Variants in PTPN18 observed in about 807,000 individuals in gnomAD.
The protein encoded by PTPN18 is protein tyrosine phosphatase non-receptor type 18.
A neutral mutation model predicts 65.4 loss-of-function variants in PTPN18; 65 were observed. The ratio of observed to expected loss-of-function variants is 0.99; its 90% CI spans 0.81 to 1.22. The LOEUF is 1.22. Ranked by LOEUF, PTPN18 falls within the 50% of genes most tolerant of loss-of-function variation. PTPN18 has a pLI of 0.00. For missense variants in PTPN18, 616 were observed against 646.5 expected (o/e 0.95, Z 0.51); for synonymous variants, 255 against 267.8 (o/e 0.95, Z 0.47).
At chr2:130,364,870 G>A (rs1256907172) in intron 5 of PTPN18, among the ~76,000 whole-genome samples, 2 of 152,178 alleles carry the variant, frequency 1.3e-5, no homozygotes, top group East Asian at 3.9e-4. Context: ...AGTTCCCTGG[G>A]TATACACCTA....
intron 5 of PTPN18, among the ~76,000 whole-genome samples, chr2:130,363,438 T>C (rs1680286357): frequency 6.6e-6 from 1 of 151,870 alleles, no homozygotes; most frequent in South Asian, 2.1e-4. Context: ...AGAGCAAGAC[T>C]GTCTCTCAAA....
chr2:130,356,285 T>G, intron 1 of PTPN18, 85 bp downstream of exon 1: 1 of 1,056,568 alleles, frequency 9.5e-7, no homozygotes, highest in African/African-American at 1.7e-5. Flanking sequence ...GGGCTCTGCC[T>G]TTCTGTCTCG....
At chr2:130,372,132 T>C in intron 12 of PTPN18, 125 bp from the exon 13 acceptor site, 2 of 912,934 alleles carry the variant, frequency 2.2e-6, no homozygotes, top group South Asian at 1.6e-5. Flanking sequence ...CAAGGAGCCC[T>C]CCCTCCCATC....
intron 5 of PTPN18, among the ~76,000 whole-genome samples, chr2:130,364,593 G>A (rs751724115): frequency 3.4e-4 from 52 of 152,150 alleles, no homozygotes; most frequent in Non-Finnish European, 4.9e-4. Flanking sequence ...TCAGGAGATC[G>A]AGACCAGCCT....
chr2:130,370,123 C>G lies in PTPN18; in HGVS notation c.622C>G (p.Leu208Val). The change falls in exon 8 of 15, where the codon CTC becomes GTC. Residue 208 changes from leucine to valine, a missense_variant. Physicochemically the swap from Leu to Val is conservative, Grantham distance 32. Transcript: ENST00000175756. The part of the protein sequence containing the change: ...RGVPSSPDHM[L>V]AMVEEARRLQ... ...GGTCCCCAGCAGTCCTGACCACATG[C>G]TCGCCATGGTGGAGGAAGCCCGTCG... The G allele has an allele frequency of 6.2e-7, 1 of 1,614,148 alleles. No individual in the cohort carries two copies. The highest frequency in any genetic ancestry group is 8.5e-7 in the Non-Finnish European group (1 of 1,180,028).
At chr2:130,371,177 C>A (rs773474070) in intron 11 of PTPN18, 22 bp from the exon 12 acceptor site, 4 of 1,567,104 alleles carry the variant, frequency 2.6e-6, no homozygotes, top group Non-Finnish European at 3.5e-6. Flanking sequence ...CCTCAGGAGC[C>A]TCCCCTCCTG....
chr2:130,372,035 C>T (rs1321851730), intron 12 of PTPN18: 3 of 519,388 alleles, frequency 5.8e-6, no homozygotes, highest in Non-Finnish European at 1.0e-5. Flanking sequence ...AACACTCTGC[C>T]CCAAATTACC....
At position 130,359,651 on chromosome 2, in the gene PTPN18, G is replaced by T; in HGVS notation, c.414+5G>T. 1 of 1,613,786 alleles carries T rather than the reference G, an allele frequency of 6.2e-7. No homozygotes were observed. The highest frequency in any genetic ancestry group is 8.5e-7 in the Non-Finnish European group (1 of 1,179,716). On this transcript the variant is annotated splice_donor_5th_base_variant and intron_variant, in intron 5 of 14. Coordinates refer to ENST00000175756, the MANE Select transcript of PTPN18 (RefSeq NM_014369.4). ...CGAGAGATAGAGAATGGGCGGGTAG[G>T]TGCCCTCTGCCCCCAGGTTTCATGT...
rs1680527032 is a variant in PTPN18, at chr2:130,370,597, T to G, written c.730T>G (p.Tyr244Asp). 1 of 1,614,078 alleles carries G rather than the reference T, an allele frequency of 6.2e-7. No homozygotes were observed. The highest frequency in any genetic ancestry group is 1.7e-5 in the Admixed American group (1 of 60,016). ...GRTGVLCTVD[Y>D]VRQLLLTQMI... ...AACAGGCGTCCTGTGCACCGTGGATTATGTGAGGCAGCTGCTCCTGACCCA... is the reference window on the plus strand; with the variant it reads ...AACAGGCGTCCTGTGCACCGTGGATGATGTGAGGCAGCTGCTCCTGACCCA... The change falls in exon 9 of 15, where the codon TAT (tyrosine) becomes GAT (aspartate). Residue 244 changes from tyrosine (Y) to aspartate (D), a missense_variant. Physicochemically the swap from Tyr to Asp is radical, Grantham distance 160. Coordinates refer to ENST00000175756, the MANE Select transcript of PTPN18 (RefSeq NM_014369.4).
chr2:130,356,304 G>A (rs1679968292), intron 1 of PTPN18, 104 bp downstream of exon 1: 2 of 802,066 alleles, frequency 2.5e-6, no homozygotes, highest in Non-Finnish European at 3.5e-6. Flanking sequence ...CGGTGTCCCC[G>A]GTGTCTCCCC....
intron 5 of PTPN18, chr2:130,368,848 C>A: frequency 3.7e-6 from 1 of 273,092 alleles, no homozygotes; most frequent in South Asian, 6.7e-5. Context: ...CACCTGCCAA[C>A]CAGTGTCTGA....
chr2:130,369,323 T>C, intron 6 of PTPN18, 122 bp downstream of exon 6: 1 of 896,112 alleles, frequency 1.1e-6, no homozygotes, highest in Non-Finnish European at 1.7e-6. Context: ...GGTGTTAGCC[T>C]GCAAATAGTT....
chr2:130,356,173 G>A lies in PTPN18; in HGVS notation c.66G>A (p.Glu22=), dbSNP rs1396702533. The change falls in exon 1 of 15, where the codon GAG becomes GAA. Residue 22 remains glutamate (E), a synonymous_variant. Coordinates refer to ENST00000175756, the MANE Select transcript of PTPN18 (RefSeq NM_014369.4). ...LERLEARGGR[E]GAVLAGEFSD... ...GGCTGGAAGCGCGGGGCGGCCGGGAGGGGGCAGTCCTCGCCGGCGAGTTCA... is the reference window on the plus strand; with the variant it reads ...GGCTGGAAGCGCGGGGCGGCCGGGAAGGGGCAGTCCTCGCCGGCGAGTTCA... 2 of 1,314,408 alleles carry A rather than the reference G, an allele frequency of 1.5e-6. No individual in the cohort carries two copies. Among genetic ancestry groups the A allele is most frequent in the East Asian group, 6.2e-5 (2 of 32,010 alleles). The allele number at this position is 1,314,408 out of a possible 1,614,324, so 81.4% of individuals were successfully genotyped here.
intron 5 of PTPN18, chr2:130,359,923 T>G (rs1439220947): frequency 4.0e-6 from 2 of 502,796 alleles, no homozygotes; most frequent in African/African-American, 3.9e-5. Flanking sequence ...GATCTCTCTT[T>G]CCACCTCTCT....
At chr2:130,365,134 C>T (rs554482888) in intron 5 of PTPN18, among the ~76,000 whole-genome samples, 1 of 152,264 alleles carries the variant, frequency 6.6e-6, no homozygotes, top group South Asian at 2.1e-4. Context: ...AACCAAATGT[C>T]CCAGCACCAT....
chr2:130,357,957 T>TA (rs1438041537), intron 1 of PTPN18, among the ~76,000 whole-genome samples: 1 of 151,896 alleles, frequency 6.6e-6, no homozygotes, highest in Non-Finnish European at 1.5e-5. Context: ...ATAATAAATG[T>TA]AAAATATATA....
Position 130,369,809 on chromosome 2 carries a change from C to A in PTPN18, c.528C>A (p.Leu176=). 6.2e-7 allele frequency: 1 copy of A among 1,603,548 alleles called. No individual in the cohort carries two copies. The highest frequency in any genetic ancestry group is 1.1e-5 in the South Asian group (1 of 90,740). Reference sequence around the variant, plus strand: ...ATGAGGACATCATGCTCAGGACCCTCAAGGTCACATTCCAGAAGGTACTGT... The same window carrying A: ...ATGAGGACATCATGCTCAGGACCCTAAAGGTCACATTCCAGAAGGTACTGT... ...WLNEDIMLRT[L]KVTFQKESRS... Residue 176 remains leucine, a synonymous_variant, in exon 7 of 15, where the codon CTC becomes CTA. Transcript: ENST00000175756.
At chr2:130,370,279 C>CT (rs145388904) in intron 8 of PTPN18, 89 bp downstream of exon 8, 15,797 of 1,555,902 alleles carry the variant, frequency 0.01, 115 homozygotes, top group Non-Finnish European at 0.012. Context: ...GTCTTGTAGT[C>CT]TGAGTGCCTA....
chr2:130,364,818 C>T (rs112135316), intron 5 of PTPN18, among the ~76,000 whole-genome samples: 209 of 151,978 alleles, frequency 1.4e-3, no homozygotes, highest in African/African-American at 4.6e-3. Context: ...ACAACAACAA[C>T]AAAAAATTGG....
Sources: gnomAD v4.1 joint callset for allele counts (sites outside exome capture counted in the v4.1 genomes callset) on GRCh38, gnomAD v4.1.1 for gene constraint, MANE v1.5 for transcripts, NCBI Gene and HGNC (gene_info 2026-07-23, HGNC 2026-07-21) for gene names.